Variants in RBM6 observed in about 807,000 individuals in gnomAD.
The protein encoded by RBM6 is RNA-binding protein 6.
Under a neutral mutation model 140.4 loss-of-function variants are expected in RBM6, and 23 were observed. The ratio of observed to expected loss-of-function variants is 0.16; its 90% CI spans 0.12 to 0.23. The LOEUF (loss-of-function observed/expected upper bound fraction) is 0.23. Among genes scored for constraint, RBM6 ranks in the 10% least tolerant of loss-of-function variants. The pLI is 1.00. For synonymous variants in RBM6, 439 were observed against 475.6 expected (o/e 0.92, Z 1.00); for missense variants, 1,139 against 1,386.7 (o/e 0.82, Z 2.84).
At chr3:49,987,632 T>C (rs1350349298) in intron 5 of RBM6, among the ~76,000 whole-genome samples, 2 of 151,926 alleles carry the variant, frequency 1.3e-5, no homozygotes, top group Non-Finnish European at 2.9e-5. Flanking sequence ...TGTAAATTTC[T>C]TTCTTTCTTT....
At chr3:49,950,431 G>A (rs764153674) in intron 1 of RBM6, among the ~76,000 whole-genome samples, 3 of 152,076 alleles carry the variant, frequency 2.0e-5, no homozygotes, top group Non-Finnish European at 4.4e-5. Flanking sequence ...CAGAGTGAAA[G>A]CATTTGTTAG....
chr3:50,018,124 T>C (rs919542423), intron 6 of RBM6, among the ~76,000 whole-genome samples: 2 of 152,232 alleles, frequency 1.3e-5, no homozygotes, highest in Non-Finnish European at 2.9e-5. Flanking sequence ...TCCACCATTA[T>C]AGTATCATAC....
intron 7 of RBM6, among the ~76,000 whole-genome samples, chr3:50,051,715 T>C (rs1294789258): frequency 6.6e-6 from 1 of 152,212 alleles, no homozygotes; most frequent in Non-Finnish European, 1.5e-5. Context: ...CAAATGCTAA[T>C]GGCGGTATTA....
At chr3:50,068,249 G>C (rs966186044) in intron 17 of RBM6, among the ~76,000 whole-genome samples, 1 of 152,132 alleles carries the variant, frequency 6.6e-6, no homozygotes, top group African/African-American at 2.4e-5. Context: ...GGCTTGTGTA[G>C]TAGAGCCATG....
At chr3:49,973,663 G>A (rs1212851004) in intron 4 of RBM6, among the ~76,000 whole-genome samples, 15 of 143,860 alleles carry the variant, frequency 1.0e-4, no homozygotes, top group African/African-American at 3.9e-4. Flanking sequence ...TCGGCTCACT[G>A]CAACCTCTGC....
chr3:50,042,506 G>A lies in RBM6; in HGVS notation c.1558-5739G>A, dbSNP rs1259706812. On this transcript the variant is annotated intron_variant, in intron 6 of 20. Transcript: ENST00000266022. ...TCAACACTTTGGGAAGCTGAGGCAG[G>A]AGGATCACTTGGGCCCAGGAGTTTG... Among the ~76,000 whole-genome samples the A allele has an allele frequency of 2.0e-5, 3 of 152,140 alleles. No individual in the cohort carries two copies. In the East Asian group the frequency reaches 5.8e-4, roughly 29 times the overall value.
At position 50,060,993 on chromosome 3, in the gene RBM6, T is replaced by C. The variant is rs768013306; in HGVS notation, c.2266T>C (p.Tyr756His). 1 of 1,590,318 alleles carries C rather than the reference T, an allele frequency of 6.3e-7. No individual in the cohort carries two copies. Among genetic ancestry groups the C allele is most frequent in the Non-Finnish European group, 8.6e-7 (1 of 1,169,194 alleles). ...GGACCATTCTGACCACATGCATTAC[T>C]ATCAGGTAGGCTGTAACAGGTGGGG... is the stretch of plus-strand genomic sequence containing the variant. ...SGDHSDHMHYYQGKKYFRDRR... is the reference protein window; with the variant it reads ...SGDHSDHMHYHQGKKYFRDRR... The change falls in exon 12 of 21, where the codon TAT (tyrosine) becomes CAT (histidine). Residue 756 changes from tyrosine to histidine, a missense_variant. By Grantham distance (83) the Tyr-to-His change is moderately conservative. Transcript: ENST00000266022.
Position 50,058,480 on chromosome 3 carries a change from C to G in RBM6, c.2048C>G (p.Thr683Ser). The stretch of plus-strand genomic sequence containing the variant: ...GTGCTGGAGCCCTATGTCCGCCTTA[C>G]TACTGCCAACGTCCGTATCATCAAG... Reference protein sequence around the residue: ...VEVLEPYVRLTTANVRIIKNR... With the variant: ...VEVLEPYVRLSTANVRIIKNR... The change falls in exon 10 of 21, where the codon ACT becomes AGT. Residue 683 changes from threonine to serine, a missense_variant. By Grantham distance (58) the Thr-to-Ser change is moderately conservative. Around this residue, in one of 9 missense-constraint regions of RBM6, gnomAD observed 47 missense variants for 117.6 expected, o/e 0.40. Transcript: ENST00000266022. The G allele has an allele frequency of 6.2e-7, 1 of 1,606,078 alleles. No individual in the cohort carries two copies. The highest frequency in any genetic ancestry group is 8.5e-7 in the Non-Finnish European group (1 of 1,172,634).
chr3:49,961,213 G>A (rs1055896284), intron 1 of RBM6, among the ~76,000 whole-genome samples: 20 of 152,052 alleles, frequency 1.3e-4, no homozygotes, highest in Non-Finnish European at 2.1e-4. Flanking sequence ...GCATAGCTGG[G>A]ATTACAGGTG....
At chr3:50,074,308 G>A (rs139778829) in intron 19 of RBM6, among the ~76,000 whole-genome samples, 270 of 150,898 alleles carry the variant, frequency 1.8e-3, no homozygotes, top group Non-Finnish European at 2.3e-3. Flanking sequence ...CAGAGTTTTC[G>A]TTCCTTCTAC....
intron 1 of RBM6, among the ~76,000 whole-genome samples, chr3:49,961,958 C>T (rs2084300476): frequency 6.7e-6 from 1 of 150,364 alleles, no homozygotes; most frequent in East Asian, 2.0e-4. Context: ...GAGTTTGAGA[C>T]CAGCCTGGGT....
chr3:50,025,230 C>T (rs1357254888), intron 6 of RBM6, among the ~76,000 whole-genome samples: 1 of 151,818 alleles, frequency 6.6e-6, no homozygotes, highest in Non-Finnish European at 1.5e-5. Flanking sequence ...CAAGACCAGC[C>T]TGGCTAACAT....
intron 8 of RBM6, among the ~76,000 whole-genome samples, chr3:50,055,527 A>G (rs558557866): frequency 2.0e-5 from 3 of 152,344 alleles, no homozygotes; most frequent in Admixed American, 2.0e-4. Flanking sequence ...CTCCTAGGCT[A>G]AAGTGGCTAA....
chr3:50,054,256 TG>T, intron 7 of RBM6, 78 bp from the exon 8 acceptor site: 2 of 1,159,932 alleles, frequency 1.7e-6, no homozygotes, highest in South Asian at 1.3e-5. Context: ...CTTTCATTTT[TG>T]GGGGGTTTCA....
At chr3:50,016,824 GTTTTTTTT>G (rs71080567) in intron 6 of RBM6, among the ~76,000 whole-genome samples, 2 of 86,062 alleles carry the variant, frequency 2.3e-5, no homozygotes, top group Non-Finnish European at 4.6e-5. Context: ...CATGCCTAGC[GTTTTTTTT>G]TTTTTTTTTT....
chr3:50,001,210 T>C (rs2086312721), intron 6 of RBM6, among the ~76,000 whole-genome samples: 1 of 152,140 alleles, frequency 6.6e-6, no homozygotes, highest in Non-Finnish European at 1.5e-5. Context: ...TACTCTGTAA[T>C]CCCAACATTT....
intron 1 of RBM6, among the ~76,000 whole-genome samples, chr3:49,961,892 A>G (rs2108616525): frequency 6.6e-6 from 1 of 152,130 alleles, no homozygotes; most frequent in South Asian, 2.1e-4. Flanking sequence ...GCGGTGGCTC[A>G]TGCCTGTAAT....
intron 5 of RBM6, among the ~76,000 whole-genome samples, chr3:49,978,644 G>A (rs1221964607): frequency 6.6e-6 from 1 of 152,076 alleles, no homozygotes; most frequent in African/African-American, 2.4e-5. Flanking sequence ...TATCTCCCAG[G>A]GGAATGTGTA....
intron 1 of RBM6, among the ~76,000 whole-genome samples, chr3:49,944,215 C>G (rs2083397274): frequency 6.6e-6 from 1 of 152,126 alleles, no homozygotes; most frequent in African/African-American, 2.4e-5. Context: ...TTTGACTACT[C>G]TAGGTATCTC....
Sources: gnomAD v4.1 joint callset for allele counts (sites outside exome capture counted in the v4.1 genomes callset) on GRCh38, gnomAD v4.1.1 for gene constraint, gnomAD v4.1.1 regional missense constraint, MANE v1.5 for transcripts, NCBI Gene and HGNC (gene_info 2026-07-23, HGNC 2026-07-21) for gene names.